LRP1B: variants seen among roughly 807,000 people sequenced by gnomAD.
LRP1B encodes LDL receptor related protein 1B, also known as low-density lipoprotein receptor-related protein 1B.
A neutral mutation model predicts 556.6 loss-of-function variants in LRP1B; 217 were observed. The ratio of observed to expected loss-of-function variants is 0.39; its 90% CI spans 0.35 to 0.44. The LOEUF (loss-of-function observed/expected upper bound fraction) is 0.44, where lower values mean the gene tolerates loss of function less well. Among genes scored for constraint, LRP1B ranks in the 20% least tolerant of loss-of-function variants. The pLI is 1.00. For missense variants in LRP1B, 5,053 were observed against 5,620.8 expected (o/e 0.90, Z 3.23); for synonymous variants, 2,047 against 1,865.8 (o/e 1.10, Z -2.50).
intron 1 of LRP1B, among the ~76,000 whole-genome samples, chr2:142,088,768 G>T (rs1339407543): frequency 6.6e-6 from 1 of 152,032 alleles, no homozygotes; most frequent in Non-Finnish European, 1.5e-5. Context: ...GAGGTCAGGA[G>T]ATCGAGACCA....
intron 43 of LRP1B, among the ~76,000 whole-genome samples, chr2:140,577,526 C>T (rs1168392060): frequency 2.0e-5 from 3 of 151,876 alleles, no homozygotes; most frequent in African/African-American, 7.3e-5. Context: ...AAGCGATCTT[C>T]CCACCTCAGC....
At chr2:140,858,532 G>GA in intron 27 of LRP1B, among the ~76,000 whole-genome samples, 1 of 143,420 alleles carries the variant, frequency 7.0e-6, no homozygotes. Flanking sequence ...GAGAGAGAAA[G>GA]GAAAGAGAAA....
In LRP1B at chr2:141,960,998, G is replaced by T. The variant is rs558006958; in HGVS notation, c.83-150597C>A. Among the ~76,000 whole-genome samples the T allele has an allele frequency of 3.6e-4, 54 of 151,702 alleles. 1 individual carries two copies. The highest frequency in any genetic ancestry group is 6.2e-4 in the South Asian group (3 of 4,814). On this transcript the variant is annotated intron_variant, in intron 1 of 90. Transcript: ENST00000389484. ...AAACTCAAATTTCCAATTAAAAGCTGTTCTGAAGTGAAAATATGATTAACT... is the reference window on the plus strand; with the variant it reads ...AAACTCAAATTTCCAATTAAAAGCTTTTCTGAAGTGAAAATATGATTAACT...
chr2:140,611,173 G>C (rs1683060316), intron 41 of LRP1B, among the ~76,000 whole-genome samples: 1 of 152,176 alleles, frequency 6.6e-6, no homozygotes, highest in Non-Finnish European at 1.5e-5. Context: ...TTTCTGAACT[G>C]TAAGAGACTA....
intron 2 of LRP1B, among the ~76,000 whole-genome samples, chr2:141,482,937 T>A (rs2105094857): frequency 1.3e-5 from 1 of 79,618 alleles, no homozygotes; most frequent in South Asian, 6.4e-4. Flanking sequence ...GCAGCAAGAT[T>A]TTTTGTTTTG....
chr2:141,987,549 G>GTTTTTTTT (rs5834887), intron 1 of LRP1B, among the ~76,000 whole-genome samples: 7 of 139,932 alleles, frequency 5.0e-5, no homozygotes, highest in African/African-American at 1.3e-4. Flanking sequence ...GATTTAAGCT[G>GTTTTTTTT]TTTTTTTTTT....
intron 11 of LRP1B, among the ~76,000 whole-genome samples, chr2:141,034,251 A>G (rs1698463307): frequency 6.6e-6 from 1 of 152,144 alleles, no homozygotes. Flanking sequence ...CTGATCGCTG[A>G]TGGTATATTT....
At chr2:140,945,070 A>G (rs1056488607) in intron 20 of LRP1B, among the ~76,000 whole-genome samples, 24 of 152,166 alleles carry the variant, frequency 1.6e-4, no homozygotes, top group African/African-American at 4.6e-4. Context: ...ATACAAAGGC[A>G]ACATACAAAC....
chr2:141,911,110 A>G (rs1699897533), intron 1 of LRP1B, among the ~76,000 whole-genome samples: 1 of 152,052 alleles, frequency 6.6e-6, no homozygotes, highest in Non-Finnish European at 1.5e-5. Flanking sequence ...TTTTTTTAAT[A>G]CCACTTAAGT....
chr2:141,413,378 G>C (rs576110953), intron 3 of LRP1B, among the ~76,000 whole-genome samples: 1 of 152,256 alleles, frequency 6.6e-6, no homozygotes, highest in African/African-American at 2.4e-5. Context: ...ATGTGACATT[G>C]ATGACTTTGA....
chr2:140,435,355 C>T lies in LRP1B; in HGVS notation c.10414+7149G>A, dbSNP rs150644469. On this transcript the variant is annotated intron_variant, in intron 66 of 90. Coordinates refer to ENST00000389484, the MANE Select transcript of LRP1B (RefSeq NM_018557.3). ...AGAACTGAATATACTTGGCAAAGGA[C>T]GAGAAAAGCAGCATTACAAAGATGA... 9.5e-3 allele frequency among the ~76,000 whole-genome samples: 1,441 copies of T among 151,872 alleles called. 11 individuals carry two copies. The highest frequency in any genetic ancestry group is 0.011 in the Non-Finnish European group (775 of 67,948).
chr2:141,280,263 A>G (rs991461328), intron 3 of LRP1B, among the ~76,000 whole-genome samples: 1 of 152,076 alleles, frequency 6.6e-6, no homozygotes, highest in African/African-American at 2.4e-5. Context: ...GAGTGCAAAC[A>G]GTCCAGCTTC....
chr2:141,231,567 C>T lies in LRP1B; in HGVS notation c.593-2127G>A, dbSNP rs901838949. On this transcript the variant is annotated intron_variant, in intron 5 of 90. Transcript: ENST00000389484. ...ACTACCACTTGGGAAAAGCATGCAGCTTATATAGCACGTAGCACGTTCCCT... is the reference window on the plus strand; with the variant it reads ...ACTACCACTTGGGAAAAGCATGCAGTTTATATAGCACGTAGCACGTTCCCT... 3.9e-5 allele frequency among the ~76,000 whole-genome samples: 6 copies of T among 152,224 alleles called. No individual in the cohort carries two copies. In the South Asian group the frequency reaches 1.2e-3, roughly 32 times the overall value.
intron 2 of LRP1B, among the ~76,000 whole-genome samples, chr2:141,546,586 G>A (rs190091135): frequency 8.5e-5 from 13 of 152,176 alleles, no homozygotes; most frequent in African/African-American, 1.4e-4. Context: ...ACCTAAACAC[G>A]TATTGAGTAC....
chr2:140,703,955 G>A (rs762703574), intron 37 of LRP1B, among the ~76,000 whole-genome samples: 1 of 152,144 alleles, frequency 6.6e-6, no homozygotes, highest in Non-Finnish European at 1.5e-5. Context: ...GAAAAGCAGG[G>A]TGATGGACAT....
chr2:141,811,864 C>T (rs988315181), intron 1 of LRP1B, among the ~76,000 whole-genome samples: 1 of 151,816 alleles, frequency 6.6e-6, no homozygotes, highest in Non-Finnish European at 1.5e-5. Flanking sequence ...ATCTCACTCT[C>T]CAAAAAATGG....
rs752594124 is a variant in LRP1B, at chr2:140,769,358, C to A, written c.5627-14G>T. 1.9e-6 allele frequency: 3 copies of A among 1,580,378 alleles called. No homozygotes were observed. The highest frequency in any genetic ancestry group is 1.7e-6 in the Non-Finnish European group (2 of 1,163,786). On this transcript the variant is annotated splice_polypyrimidine_tract_variant and intron_variant, in intron 34 of 90. Coordinates refer to ENST00000389484, the MANE Select transcript of LRP1B (RefSeq NM_018557.3). ...ATGATTCTATACCTAAATGCAGGGC[C>A]GGAGATAAGGGGGGGAAGGGAAGCC...
chr2:141,992,210 G>A (rs1041041047), intron 1 of LRP1B, among the ~76,000 whole-genome samples: 1 of 152,050 alleles, frequency 6.6e-6, no homozygotes, highest in Non-Finnish European at 1.5e-5. Flanking sequence ...CAGGTGTGGA[G>A]CCCACAGATA....
intron 41 of LRP1B, among the ~76,000 whole-genome samples, chr2:140,622,038 T>C (rs1198717295): frequency 6.6e-6 from 1 of 152,236 alleles, no homozygotes; most frequent in African/African-American, 2.4e-5. Context: ...GTAAGCTAAC[T>C]TATTTTCTCA....
Sources: gnomAD v4.1 joint callset for allele counts (sites outside exome capture counted in the v4.1 genomes callset) on GRCh38, gnomAD v4.1.1 for gene constraint, MANE v1.5 for transcripts, NCBI Gene and HGNC (gene_info 2026-07-23, HGNC 2026-07-21) for gene names.